CCNY: variants seen among roughly 807,000 people sequenced by gnomAD.
The protein encoded by CCNY is cyclin Y.
CCNY carries 19 observed loss-of-function variants against 42.8 expected under a neutral mutation model. The ratio of observed to expected loss-of-function variants is 0.44; its 90% confidence interval spans 0.31 to 0.65. The LOEUF is 0.65. Among genes scored for constraint, CCNY ranks in the 30% least tolerant of loss-of-function variants. The probability of loss-of-function intolerance (pLI) is 0.07; values close to 1 mark genes in which losing one functional copy is unlikely to be tolerated. For missense variants in CCNY, 370 were observed against 437.3 expected (o/e 0.85, Z 1.37); for synonymous variants, 165 against 162.7 (o/e 1.01, Z -0.11).
At chr10:35,372,099 T>C (rs1391684556) in intron 1 of CCNY, among the ~76,000 whole-genome samples, 2 of 152,144 alleles carry the variant, frequency 1.3e-5, no homozygotes, top group African/African-American at 4.8e-5. Context: ...GGCAGATGCA[T>C]ATGTGCTTTG....
At position 35,290,438 on chromosome 10, in the gene CCNY, G is replaced by A. The variant is rs151144846; in HGVS notation, c.-9+39812G>A. Reference sequence around the variant, plus strand: ...CTTAAAAAAAAAAAAATCATAAAAGGGTGTTAAATTTTGTTTTTGTGCATC... The same window carrying A: ...CTTAAAAAAAAAAAAATCATAAAAGAGTGTTAAATTTTGTTTTTGTGCATC... On this transcript the variant is annotated intron_variant, in intron 3 of 11. Coordinates refer to the CCNY transcript ENST00000374706. Among the ~76,000 whole-genome samples the A allele has an allele frequency of 5.1e-3, 769 of 151,750 alleles. 8 individuals carry two copies. The highest frequency in any genetic ancestry group is 0.017 in the African/African-American group (685 of 41,386).
chr10:35,250,360 G>A (rs531059869), intron 2 of CCNY, among the ~76,000 whole-genome samples: 8 of 152,144 alleles, frequency 5.3e-5, no homozygotes, highest in East Asian at 3.9e-4. Context: ...ATGAGACTCC[G>A]TCTCAATAAA....
Position 35,304,052 on chromosome 10 carries a change from G to A in CCNY, c.-9+53426G>A, listed in dbSNP as rs373105031. On this transcript the variant is annotated intron_variant, in intron 3 of 11. Transcript: ENST00000374706. ...GATACCTGCTGGGTGCTAGCCACAT[G>A]CTCCAGTTTCTCCGTCTCCTGCACC... 1.7e-4 allele frequency among the ~76,000 whole-genome samples: 26 copies of A among 152,232 alleles called. 1 individual carries two copies. The highest frequency in any genetic ancestry group is 6.3e-4 in the African/African-American group (26 of 41,560).
intron 1 of CCNY, among the ~76,000 whole-genome samples, chr10:35,466,313 G>T (rs1212559629): frequency 1.3e-5 from 2 of 152,136 alleles, no homozygotes; most frequent in African/African-American, 4.8e-5. Context: ...CCCTAGAGAG[G>T]ATATTCAGGG....
intron 7 of CCNY, among the ~76,000 whole-genome samples, chr10:35,549,741 A>G (rs560649283): frequency 4.1e-4 from 58 of 140,420 alleles, no homozygotes; most frequent in Admixed American, 1.5e-3. Context: ...CTCATGGCCC[A>G]TGACCCTACA....
At chr10:35,385,173 A>G (rs535748258) in intron 1 of CCNY, among the ~76,000 whole-genome samples, 1 of 152,316 alleles carries the variant, frequency 6.6e-6, no homozygotes, top group South Asian at 2.1e-4. Flanking sequence ...GGTTACTTGT[A>G]TCTTTCATTA....
intron 7 of CCNY, among the ~76,000 whole-genome samples, chr10:35,549,821 C>T (rs55683705): frequency 4.5e-5 from 1 of 22,176 alleles, no homozygotes; most frequent in African/African-American, 1.9e-4. Flanking sequence ...TGCTCATGGC[C>T]CATGACCCTA....
At chr10:35,474,709 GAA>G (rs1839467785) in intron 1 of CCNY, among the ~76,000 whole-genome samples, 1 of 152,040 alleles carries the variant, frequency 6.6e-6, no homozygotes, top group African/African-American at 2.4e-5. Flanking sequence ...AAACAGAACA[GAA>G]AAACTGGAAA....
intron 3 of CCNY, among the ~76,000 whole-genome samples, chr10:35,515,292 G>A (rs756782042): frequency 1.3e-5 from 2 of 152,142 alleles, no homozygotes; most frequent in African/African-American, 2.4e-5. Flanking sequence ...CTTCAGCAGC[G>A]CAGTGCTAAC....
At chr10:35,258,958 A>T (rs925133423) in intron 3 of CCNY, among the ~76,000 whole-genome samples, 2 of 150,908 alleles carry the variant, frequency 1.3e-5, no homozygotes, top group African/African-American at 4.9e-5. Flanking sequence ...AAGGAAACAC[A>T]TGCACTGCTG....
intron 3 of CCNY, among the ~76,000 whole-genome samples, chr10:35,323,081 A>G (rs902031798): frequency 6.6e-6 from 1 of 152,118 alleles, no homozygotes; most frequent in Non-Finnish European, 1.5e-5. Context: ...GTGTGCCACC[A>G]TGCGTGGCAA....
chr10:35,316,009 C>T lies in CCNY; in HGVS notation c.-9+65383C>T, dbSNP rs564005884. On this transcript the variant is annotated intron_variant, in intron 3 of 11. Transcript: ENST00000374706. Reference sequence around the variant, plus strand: ...CTCTATCCCATATAAGTGTAATTGTCTTTTATTGTGACTGGCATAAGTAAC... The same window carrying T: ...CTCTATCCCATATAAGTGTAATTGTTTTTTATTGTGACTGGCATAAGTAAC... 3.3e-5 allele frequency among the ~76,000 whole-genome samples: 5 copies of T among 152,222 alleles called. No individual in the cohort carries two copies. The South Asian group carries it at 1.0e-3, about 32-fold the overall frequency.
chr10:35,442,459 A>G (rs940658144), intron 1 of CCNY, among the ~76,000 whole-genome samples: 1 of 152,226 alleles, frequency 6.6e-6, no homozygotes, highest in African/African-American at 2.4e-5. Flanking sequence ...GGAGACTCAT[A>G]CAAATTGCCT....
intron 3 of CCNY, among the ~76,000 whole-genome samples, chr10:35,288,298 C>G (rs1835376981): frequency 6.6e-6 from 1 of 151,958 alleles, no homozygotes; most frequent in Non-Finnish European, 1.5e-5. Flanking sequence ...TTCTTCAAAT[C>G]TTTTCTGTAA....
chr10:35,511,595 A>C (rs1169672924), intron 3 of CCNY, among the ~76,000 whole-genome samples: 1 of 152,188 alleles, frequency 6.6e-6, no homozygotes, highest in Non-Finnish European at 1.5e-5. Flanking sequence ...ACATGGCTTT[A>C]AGCTCTGGTG....
rs551761517 is a variant in CCNY, at chr10:35,266,668, G to C, written c.-9+16042G>C. Among the ~76,000 whole-genome samples the C allele has an allele frequency of 2.6e-5, 4 of 152,216 alleles. No homozygotes were observed. In the South Asian group the frequency reaches 8.3e-4, roughly 32 times the overall value. ...ATAGCCCTACAGTGGGTGATGCGGG[G>C]GGAATCGTTAGCATCAGGAAGGGTG... On this transcript the variant is annotated intron_variant, in intron 3 of 11. Transcript: ENST00000374706.
At chr10:35,555,868 T>C (rs1589206265) in intron 8 of CCNY, among the ~76,000 whole-genome samples, 2 of 152,190 alleles carry the variant, frequency 1.3e-5, no homozygotes, top group East Asian at 3.8e-4. Context: ...GCAGTCAATA[T>C]CTTAAAAAAT....
At chr10:35,274,746 T>C (rs1168797056) in intron 3 of CCNY, among the ~76,000 whole-genome samples, 1 of 151,968 alleles carries the variant, frequency 6.6e-6, no homozygotes, top group Non-Finnish European at 1.5e-5. Flanking sequence ...CCCATGTGAA[T>C]GGAAACTGCT....
chr10:35,291,010 C>CT lies in CCNY; in HGVS notation c.-9+40397dup, dbSNP rs60558997. Among the ~76,000 whole-genome samples the CT allele has an allele frequency of 3.0e-3, 433 of 144,514 alleles. 1 individual carries two copies. Among genetic ancestry groups the CT allele is most frequent in the African/African-American group, 8.8e-3 (350 of 39,690 alleles). 94.8% of individuals were successfully genotyped at this position (144,514 alleles called of 152,430 possible). ...CTTTAAATGGAATCATGAAATATGACTTTTTTTTTTTTTAGATGGAATTTT... is the reference window on the plus strand; with the variant it reads ...CTTTAAATGGAATCATGAAATATGACTTTTTTTTTTTTTTAGATGGAATTTT... On this transcript the variant is annotated intron_variant, in intron 3 of 11. Coordinates refer to the CCNY transcript ENST00000374706.
Sources: gnomAD v4.1 joint callset for allele counts (sites outside exome capture counted in the v4.1 genomes callset) on GRCh38, gnomAD v4.1.1 for gene constraint, MANE v1.5 for transcripts, NCBI Gene and HGNC (gene_info 2026-07-23, HGNC 2026-07-21) for gene names.